TTN: variants seen among roughly 807,000 people sequenced by gnomAD.
The protein encoded by TTN is connectin.
In TTN, 1,525 loss-of-function variants were observed where a neutral mutation model predicts 3,223.0. That is an observed-to-expected ratio of 0.47 (90% CI 0.45 to 0.49). TTN has a LOEUF of 0.49. Ranked by LOEUF, TTN falls within the 20% of genes least tolerant of loss-of-function variation. The pLI, the probability that TTN is intolerant of heterozygous loss-of-function variation, is 0.00. For missense variants in TTN, 40,786 were observed against 43,424.0 expected, an observed-to-expected ratio of 0.94 and a Z score of 5.40; for synonymous variants, 14,094 against 15,161.0, an observed-to-expected ratio of 0.93 and a Z score of 5.17.
rs1356142891 is a variant in TTN, at chr2:178,554,596, A to G, written c.88751T>C (p.Val29584Ala). The G allele has an allele frequency of 1.2e-6, 2 of 1,613,920 alleles. No individual in the cohort carries two copies. The highest frequency in any genetic ancestry group is 1.7e-6 in the Non-Finnish European group (2 of 1,179,854). The change falls in exon 332 of 363, where the codon GTG becomes GCG. Residue 29584 changes from valine to alanine, a missense_variant. Val to Ala is a moderately conservative substitution (Grantham distance 64). Coordinates refer to ENST00000589042, the MANE Select transcript of TTN (RefSeq NM_001267550.2). ...GATGCACTCTTCCAAATGTTCAGAC[A>G]CCATAGACCACACAACGCGGCTTGT... is the stretch of plus-strand genomic sequence containing the variant. ...RETSRVVWSM[V>A]SEHLEECIIT...
At chr2:178,796,208 T>G (rs1057042350) in intron 6 of TTN, among the ~76,000 whole-genome samples, 1 of 152,194 alleles carries the variant, frequency 6.6e-6, no homozygotes, top group Admixed American at 6.5e-5. Context: ...TAAGGTAAAA[T>G]TTTTTTCAGA....
Position 178,576,052 on chromosome 2 carries a change from G to A in TTN, c.70080C>T (p.Leu23360=). ...LRRTLVVRAG[L]SIRIFVPIKG... ...TAATTGGCACAAATATCCTAATACT[G>A]AGTCCTGCTCTAACAACAAGTGTTC... is the stretch of plus-strand genomic sequence containing the variant. Residue 23360 remains leucine (L), a synonymous_variant, in exon 326 of 363, where the codon CTC becomes CTT. Transcript: ENST00000589042. This position sits in a 1 kb window ranked among gnomAD's most constrained non-coding sequence, Gnocchi z 4.3. 1 of 1,613,446 alleles carries A rather than the reference G, an allele frequency of 6.2e-7. No individual in the cohort carries two copies. Among genetic ancestry groups the A allele is most frequent in the Non-Finnish European group, 8.5e-7 (1 of 1,179,608 alleles).
In TTN at chr2:178,572,607, A is replaced by G; in HGVS notation, c.73525T>C (p.Ser24509Pro). 1 of 1,613,304 alleles carries G rather than the reference A, an allele frequency of 6.2e-7. No individual in the cohort carries two copies. Among genetic ancestry groups the G allele is most frequent in the East Asian group, 2.2e-5 (1 of 44,778 alleles). Residue 24509 changes from serine (S) to proline (P), a missense_variant, in exon 326 of 363, where the codon TCT (serine) becomes CCT (proline). Physicochemically the swap from Ser to Pro is moderately conservative, Grantham distance 74. Transcript: ENST00000589042. ...AGAACTCTAACATTGACAAATGCAG[A>G]CTTGCTGCCTGAACTATTTTCTACA... The part of the protein sequence containing the change: ...LTVENSSGSK[S>P]AFVNVRVLDT...
At chr2:178,723,376 C>T (rs759649189) in intron 74 of TTN, 42 bp downstream of exon 74, 125 of 1,603,060 alleles carry the variant, frequency 7.8e-5, no homozygotes, top group Non-Finnish European at 9.8e-5. Flanking sequence ...ACAAGGATGT[C>T]GGTATACAGA....
intron 217 of TTN, chr2:178,644,831 C>A (rs2061687711): frequency 4.6e-6 from 2 of 431,420 alleles, no homozygotes; most frequent in Non-Finnish European, 8.1e-6. Context: ...TAAAGACCAG[C>A]AGAAAAAGAA....
At position 178,572,193 on chromosome 2, in the gene TTN, G is replaced by A. The variant is rs2154169928; in HGVS notation, c.73939C>T (p.Arg24647Ter). 3.1e-6 allele frequency: 5 copies of A among 1,613,334 alleles called. No individual in the cohort carries two copies. The highest frequency in any genetic ancestry group is 4.2e-6 in the Non-Finnish European group (5 of 1,179,588). Residue 24647 changes from arginine (R) to a stop codon, truncating the protein, a stop_gained, in exon 326 of 363, where the codon CGA becomes TGA. Transcript: ENST00000589042. LOFTEE classifies it high-confidence loss of function. ...WEKPEHDGGSRILGYIVEMQT... is the reference protein window; with the variant it reads ...WEKPEHDGGS ...ATCTCCACAATGTAGCCTAGAATTCGGCTGCCTCCATCATGCTCTGGTTTC... is the reference window on the plus strand; with the variant it reads ...ATCTCCACAATGTAGCCTAGAATTCAGCTGCCTCCATCATGCTCTGGTTTC...
chr2:178,666,716 A>G (rs887250774), intron 163 of TTN, 108 bp downstream of exon 163: 45 of 896,584 alleles, frequency 5.0e-5, no homozygotes, highest in Non-Finnish European at 7.2e-5. Flanking sequence ...CATCTCTGAA[A>G]TGATTTCCAC....
intron 70 of TTN, 42 bp downstream of exon 70, chr2:178,725,726 C>T (rs1038779307): frequency 1.9e-6 from 3 of 1,549,416 alleles, no homozygotes; most frequent in Non-Finnish European, 2.6e-6. Flanking sequence ...TAGGATTTTG[C>T]ACATTTATGA....
At chr2:178,535,912 TGCAATA>T in intron 357 of TTN, 63 bp from the exon 358 acceptor site, 1 of 1,508,782 alleles carries the variant, frequency 6.6e-7, no homozygotes, top group South Asian at 1.4e-5. Context: ...TGTGTTTAAG[TGCAATA>T]GCCTCCACCC....
chr2:178,535,810 A>G lies in TTN; in HGVS notation c.100805T>C (p.Met33602Thr), dbSNP rs576732964. 6.8e-6 allele frequency: 11 copies of G among 1,607,722 alleles called. No homozygotes were observed. The highest frequency in any genetic ancestry group is 6.6e-5 in the South Asian group (6 of 90,704). ...ACCTCGGAGAGCATGAACTGCTCCC[A>G]TGCCTTCAAGAGTTTTAGGTAAGTG... ...KIHLPKTLEG[M>T]GAVHALRGEV... The change falls in exon 358 of 363, where the codon ATG becomes ACG. Residue 33602 changes from methionine to threonine, a missense_variant. By Grantham distance (81) the Met-to-Thr change is moderately conservative (BLOSUM62 -1). Coordinates refer to ENST00000589042, the MANE Select transcript of TTN (RefSeq NM_001267550.2).
At position 178,530,483 on chromosome 2, in the gene TTN, C is replaced by T; in HGVS notation, c.106132G>A (p.Ala35378Thr). ...SKTNLQFMGQ[A>T]FKSIHEKVSK... is the part of the protein sequence containing the mutation. ...ACCTTCTCATGGATACTCTTAAAGG[C>T]TTGCCCCATAAATTGTAAGTTGGTT... is the stretch of plus-strand genomic sequence containing the variant. The change falls in exon 358 of 363, where the codon GCC becomes ACC. Residue 35378 changes from alanine to threonine, a missense_variant. Transcript: ENST00000589042. 2 of 1,613,974 alleles carry T rather than the reference C, an allele frequency of 1.2e-6. No homozygotes were observed. Among genetic ancestry groups the T allele is most frequent in the East Asian group, 2.2e-5 (1 of 44,882 alleles).
rs766551064 is a variant in TTN at position 178,607,358 on chromosome 2, T to A, written c.53287+43A>T. On this transcript the variant is annotated intron_variant, in intron 277 of 362. Transcript: ENST00000589042. ...CAAAAATCAATGTAATAAGATAGTA[T>A]CACTTGGGAAAATCCTGTGAAAATC... 7.4e-6 allele frequency: 12 copies of A among 1,612,556 alleles called. No homozygotes were observed. The South Asian group carries it at 1.3e-4, about 18-fold the overall frequency.
rs370479059 is a variant in TTN, at chr2:178,552,276, A to G, written c.90624T>C (p.Asn30208=). 474 of 1,613,430 alleles carry G rather than the reference A, an allele frequency of 2.9e-4. No individual in the cohort carries two copies. Among genetic ancestry groups the G allele is most frequent in the Non-Finnish European group, 3.9e-4 (456 of 1,179,700 alleles). The change falls in exon 335 of 363, where the codon AAT becomes AAC. Residue 30208 remains asparagine, a synonymous_variant. Coordinates refer to ENST00000589042, the MANE Select transcript of TTN (RefSeq NM_001267550.2). The part of the protein sequence containing the change: ...HGGKYTVILD[N]AVCRIAVPIT... ...TGGGGACTGCAATTCTACACACTGCATTATCAAGAATAACAGTGTATTTTC... is the reference window on the plus strand; with the variant it reads ...TGGGGACTGCAATTCTACACACTGCGTTATCAAGAATAACAGTGTATTTTC...
Position 178,740,116 on chromosome 2 carries a change from G to C in TTN, c.13117C>G (p.Gln4373Glu). 1 of 1,613,818 alleles carries C rather than the reference G, an allele frequency of 6.2e-7. No homozygotes were observed. The highest frequency in any genetic ancestry group is 2.2e-5 in the East Asian group (1 of 44,836). Residue 4373 changes from glutamine (Q) to glutamate (E), a missense_variant, in exon 48 of 363, where the codon CAG becomes GAG. Physicochemically the swap from Gln to Glu is conservative, Grantham distance 29. Coordinates refer to ENST00000589042, the MANE Select transcript of TTN (RefSeq NM_001267550.2). ...TCCTTAGAAAGAAGGTCCCTTCCCTGTACCTCCTGCACTTTCTTTATTGCC... is the reference window on the plus strand; with the variant it reads ...TCCTTAGAAAGAAGGTCCCTTCCCTCTACCTCCTGCACTTTCTTTATTGCC... ...PVAIKKVQEV[Q>E]GRDLLSKESL...
At position 178,725,961 on chromosome 2, in the gene TTN, T is replaced by C; in HGVS notation, c.20361A>G (p.Thr6787=). 1 of 1,612,268 alleles carries C rather than the reference T, an allele frequency of 6.2e-7. No homozygotes were observed. The highest frequency in any genetic ancestry group is 1.1e-5 in the South Asian group (1 of 90,816). The change falls in exon 70 of 363, where the codon ACA becomes ACG. Residue 6787 remains threonine, a synonymous_variant. Coordinates refer to ENST00000589042, the MANE Select transcript of TTN (RefSeq NM_001267550.2). The part of the protein sequence containing the change: ...EVSLECELSG[T]PPFEVVWYKD... ...TGTACCATACCACCTCAAACGGTGGTGTTCCCGAAAGTTCACATTCAAGAC... is the reference window on the plus strand; with the variant it reads ...TGTACCATACCACCTCAAACGGTGGCGTTCCCGAAAGTTCACATTCAAGAC...
Position 178,531,961 on chromosome 2 carries a change from C to T in TTN, c.104654G>A (p.Arg34885Gln), listed in dbSNP as rs368870767. Residue 34885 changes from arginine (R) to glutamine (Q), a missense_variant, in exon 358 of 363, where the codon CGA becomes CAA. Transcript: ENST00000589042. Reference sequence around the variant, plus strand: ...CTCACTAGACACAGGGCTGGGGGATCGTGGGCGAGTTCTCTCTGGAGTAGG... The same window carrying T: ...CTCACTAGACACAGGGCTGGGGGATTGTGGGCGAGTTCTCTCTGGAGTAGG... ...RSPTPERTRP[R>Q]SPSPVSSERS... 13 of 1,613,402 alleles carry T rather than the reference C, an allele frequency of 8.1e-6. No individual in the cohort carries two copies. The highest frequency in any genetic ancestry group is 4.0e-5 in the African/African-American group (3 of 74,888).
intron 16 of TTN, 54 bp from the exon 17 acceptor site, chr2:178,783,839 A>G: frequency 2.1e-6 from 3 of 1,442,578 alleles, no homozygotes; most frequent in Non-Finnish European, 2.9e-6. Flanking sequence ...GGGAAATCTC[A>G]TAAACTCTTA....
At position 178,611,008 on chromosome 2, in the gene TTN, T is replaced by C. The variant is rs751639212; in HGVS notation, c.51121A>G (p.Asn17041Asp). The C allele has an allele frequency of 5.0e-6, 8 of 1,612,172 alleles. No individual in the cohort carries two copies. Among genetic ancestry groups the C allele is most frequent in the Non-Finnish European group, 6.8e-6 (8 of 1,178,968 alleles). Residue 17041 changes from asparagine (N) to aspartate (D), a missense_variant, in exon 270 of 363, where the codon AAT becomes GAT. Physicochemically the swap from Asn to Asp is conservative, Grantham distance 23 (BLOSUM62 1). Transcript: ENST00000589042. ...NKLGSATASINVKVIGLPGPC... is the reference protein window; with the variant it reads ...NKLGSATASIDVKVIGLPGPC... ...GAATGATTACCTATGACTTTGACAT[T>C]GATTGAGGCTGTTGCTGAGCCGAGC...
chr2:178,794,835 A>G, intron 7 of TTN, 87 bp downstream of exon 7: 3 of 1,547,916 alleles, frequency 1.9e-6, no homozygotes, highest in South Asian at 1.1e-5. Context: ...TTTTCCTCCA[A>G]TTTATACAGA....
Sources: allele counts gnomAD v4.1 joint callset (sites outside exome capture counted in the v4.1 genomes callset), GRCh38; gene constraint gnomAD v4.1.1; non-coding constraint Gnocchi (gnomAD v3.1); transcripts MANE v1.5; gene names NCBI Gene and HGNC (gene_info 2026-07-23, HGNC 2026-07-21).